BCKDHB: variants seen among roughly 807,000 people sequenced by gnomAD.
BCKDHB encodes the protein 2-oxoisovalerate dehydrogenase subunit beta, mitochondrial.
Under a neutral mutation model 48.5 loss-of-function variants are expected in BCKDHB, and 41 were observed. The ratio of observed to expected loss-of-function variants is 0.85; its 90% CI spans 0.66 to 1.10. The LOEUF is 1.10. Among genes scored for constraint, BCKDHB ranks in the 50% least tolerant of loss-of-function variants. BCKDHB has a pLI of 0.00. For synonymous variants in BCKDHB, 201 were observed against 174.8 expected (o/e 1.15, Z -1.18); for missense variants, 496 against 494.2 (o/e 1.00, Z -0.03).
At chr6:80,217,014 G>A (rs1775203344) in intron 8 of BCKDHB, among the ~76,000 whole-genome samples, 2 of 152,028 alleles carry the variant, frequency 1.3e-5, no homozygotes, top group South Asian at 4.1e-4. Context: ...AGCCTGAGGC[G>A]GGTGGATCAC....
chr6:80,124,083 G>T (rs1277122378), intron 1 of BCKDHB, among the ~76,000 whole-genome samples: 1 of 152,104 alleles, frequency 6.6e-6, no homozygotes, highest in Non-Finnish European at 1.5e-5. Flanking sequence ...AGAGATTCTG[G>T]TACGTTGTGT....
chr6:80,155,771 A>G (rs1363363045), intron 3 of BCKDHB, among the ~76,000 whole-genome samples: 1 of 151,042 alleles, frequency 6.6e-6, no homozygotes, highest in Non-Finnish European at 1.5e-5. Context: ...GAATGTACTT[A>G]TATTCTCCTT....
the BCKDHB span, among the ~76,000 whole-genome samples, chr6:80,395,649 G>T: frequency 2.0e-5 from 3 of 152,202 alleles, no homozygotes; most frequent in Non-Finnish European, 4.4e-5. Context: ...GAAATTCAAG[G>T]TCTTCTGCAG....
chr6:80,422,809 C>T, the BCKDHB span, among the ~76,000 whole-genome samples: 255 of 152,280 alleles, frequency 1.7e-3, 1 homozygote, highest in Middle Eastern at 6.8e-3. Context: ...CCAGTTGTAT[C>T]TAGGAAGTAA....
In BCKDHB at chr6:80,106,796, T is replaced by G; in HGVS notation, c.103T>G (p.Phe35Val). The G allele has an allele frequency of 1.2e-6, 2 of 1,602,412 alleles. No homozygotes were observed. The highest frequency in any genetic ancestry group is 1.7e-6 in the Non-Finnish European group (2 of 1,175,494). Residue 35 changes from phenylalanine to valine, a missense_variant, in exon 1 of 10, where the codon TTT (phenylalanine) becomes GTT (valine). Transcript: ENST00000320393. ...RLPGAGLARG[F>V]LHPAATVEDA... The stretch of plus-strand genomic sequence containing the variant: ...TCCTGGCGCGGGGCTGGCGCGGGGC[T>G]TTTTGCACCCCGCCGCGACTGTCGA...
chr6:80,216,042 T>C (rs2127850045), intron 8 of BCKDHB, among the ~76,000 whole-genome samples: 1 of 152,248 alleles, frequency 6.6e-6, no homozygotes, highest in South Asian at 2.1e-4. Context: ...GCCCGGCCAA[T>C]GTATCTTACA....
intron 6 of BCKDHB, among the ~76,000 whole-genome samples, chr6:80,190,204 G>A (rs780918159): frequency 3.0e-4 from 45 of 152,156 alleles, no homozygotes; most frequent in Non-Finnish European, 5.9e-4. Context: ...GTCTGTGAGA[G>A]AATTCTAGAT....
At chr6:80,172,818 T>C (rs1309790924) in intron 6 of BCKDHB, among the ~76,000 whole-genome samples, 1 of 152,190 alleles carries the variant, frequency 6.6e-6, no homozygotes, top group Admixed American at 6.5e-5. Flanking sequence ...TCAGAGTTCC[T>C]GTTGCTCTTA....
At chr6:80,407,372 G>GT in the BCKDHB span, among the ~76,000 whole-genome samples, 1 of 152,048 alleles carries the variant, frequency 6.6e-6, no homozygotes, top group East Asian at 1.9e-4. Context: ...CTTTAGAGTA[G>GT]TTTTTTTCCA....
At chr6:80,439,453 G>T in the BCKDHB span, among the ~76,000 whole-genome samples, 1 of 152,094 alleles carries the variant, frequency 6.6e-6, no homozygotes, top group Non-Finnish European at 1.5e-5. Context: ...TTTTTAAAGT[G>T]TTTACAACTA....
intron 8 of BCKDHB, among the ~76,000 whole-genome samples, chr6:80,252,969 A>G (rs1776898202): frequency 6.6e-6 from 1 of 152,020 alleles, no homozygotes; most frequent in Non-Finnish European, 1.5e-5. Context: ...CCCCATCACC[A>G]CTGTTATCAT....
chr6:80,291,877 A>G (rs1321686165), intron 9 of BCKDHB, among the ~76,000 whole-genome samples: 1 of 152,188 alleles, frequency 6.6e-6, no homozygotes, highest in Non-Finnish European at 1.5e-5. Context: ...TACTTGGCCT[A>G]TTTGTATAAA....
chr6:80,155,856 TAGGTTTTC>T (rs1468079700), intron 3 of BCKDHB, among the ~76,000 whole-genome samples: 17 of 149,876 alleles, frequency 1.1e-4, no homozygotes, highest in African/African-American at 4.0e-4. Flanking sequence ...TTTTTTTTTT[TAGGTTTTC>T]TTTTTTTGAG....
chr6:80,383,127 T>A, the BCKDHB span, among the ~76,000 whole-genome samples: 8 of 152,192 alleles, frequency 5.3e-5, no homozygotes, highest in Non-Finnish European at 8.8e-5. Flanking sequence ...AAAAGAGCAA[T>A]GTAAAGGCAA....
At chr6:80,166,858 T>G (rs939690910) in intron 3 of BCKDHB, among the ~76,000 whole-genome samples, 1 of 152,206 alleles carries the variant, frequency 6.6e-6, no homozygotes, top group Non-Finnish European at 1.5e-5. Context: ...TGCTTCTGGG[T>G]GCAGTGTCCT....
intron 9 of BCKDHB, among the ~76,000 whole-genome samples, chr6:80,298,313 A>G (rs1456292690): frequency 2.0e-5 from 3 of 152,008 alleles, no homozygotes; most frequent in African/African-American, 4.8e-5. Context: ...GGGTTTTGCC[A>G]TGTTGGCCAG....
chr6:80,277,948 T>TGACATGG (rs1216256774), intron 9 of BCKDHB, among the ~76,000 whole-genome samples: 4 of 152,220 alleles, frequency 2.6e-5, no homozygotes, highest in African/African-American at 9.6e-5. Flanking sequence ...CATGTTAGAA[T>TGACATGG]AGTTTATGGA....
At chr6:80,280,148 A>G (rs1778137791) in intron 9 of BCKDHB, among the ~76,000 whole-genome samples, 1 of 152,180 alleles carries the variant, frequency 6.6e-6, no homozygotes, top group Admixed American at 6.6e-5. Flanking sequence ...ATATTAAGGA[A>G]TTTGTTTTTA....
chr6:80,159,918 C>A (rs549181985), intron 3 of BCKDHB, among the ~76,000 whole-genome samples: 95 of 152,312 alleles, frequency 6.2e-4, no homozygotes, highest in South Asian at 3.1e-3. Flanking sequence ...TGAGGAAACA[C>A]AACTTGCTTA....
Sources: allele counts gnomAD v4.1 joint callset (sites outside exome capture counted in the v4.1 genomes callset), GRCh38; gene constraint gnomAD v4.1.1; transcripts MANE v1.5; gene names NCBI Gene and HGNC (gene_info 2026-07-23, HGNC 2026-07-21).